The following PRKX variants were observed in gnomAD, a reference collection of about 807,000 sequenced individuals.
PRKX encodes protein kinase cAMP-dependent X-linked catalytic subunit, also known as cAMP-dependent protein kinase catalytic subunit PRKX.
In PRKX, 12 loss-of-function variants were observed where a neutral mutation model predicts 22.0. That is an observed-to-expected ratio of 0.54 (90% CI 0.35 to 0.88). PRKX has a LOEUF of 0.88. PRKX is among the 40% of genes least tolerant of loss of function. The pLI, the probability that PRKX is intolerant of heterozygous loss-of-function variation, is 0.01. For synonymous variants in PRKX, 134 were observed against 137.7 expected, an observed-to-expected ratio of 0.97 and a Z score of 0.19; for missense variants, 217 against 308.0, an observed-to-expected ratio of 0.70 and a Z score of 2.21.
chrX:3,698,561 T>C (rs953269487), intron 1 of PRKX, among the ~76,000 whole-genome samples: 1 of 110,708 alleles, frequency 9.0e-6, no homozygotes, highest in African/African-American at 3.3e-5. Context: ...TCTACATGTG[T>C]TTTGTTTTTT....
chrX:3,712,472 G>A (rs1332588722), intron 1 of PRKX, among the ~76,000 whole-genome samples: 1 of 111,747 alleles, frequency 8.9e-6, no homozygotes, highest in Non-Finnish European at 1.9e-5. Flanking sequence ...TAAAGCGTCC[G>A]ATACAAGAAT....
At chrX:3,682,743 C>T (rs1464589305) in intron 1 of PRKX, among the ~76,000 whole-genome samples, 1 of 108,134 alleles carries the variant, frequency 9.2e-6, no homozygotes, top group Non-Finnish European at 1.9e-5. Context: ...TCCCCTGGAG[C>T]CTCCAGAAAC....
intron 1 of PRKX, among the ~76,000 whole-genome samples, chrX:3,681,993 A>C (rs1356091549): frequency 1.8e-5 from 2 of 111,624 alleles, no homozygotes; most frequent in African/African-American, 6.5e-5. Flanking sequence ...ATTTTGCTAG[A>C]ACTCAAAACA....
intron 1 of PRKX, among the ~76,000 whole-genome samples, chrX:3,685,872 CCT>C (rs1928168714): frequency 9.0e-6 from 1 of 111,708 alleles, no homozygotes; most frequent in Non-Finnish European, 1.9e-5. Context: ...ATGGTGAAAC[CCT>C]GTCTCTACAA....
Position 3,621,127 on chromosome X carries a change from A to C in PRKX, c.873+132T>G. 6.1e-6 allele frequency: 3 copies of C among 492,792 alleles called. No individual in the cohort carries two copies. In the South Asian group the frequency reaches 1.2e-4, roughly 20 times the overall value. 40.6% of individuals were successfully genotyped at this position (492,792 alleles called of 1,213,427 possible). ...AATTTAAAAAAATAAATAAAACACC[A>C]GATTTGAAATTTGGGCAGTGATTAA... On this transcript the variant is annotated intron_variant, in intron 6 of 8. Transcript: ENST00000262848.
intron 2 of PRKX, chrX:3,667,430 G>A (rs1927758700): frequency 9.3e-6 from 1 of 108,074 alleles, no homozygotes; most frequent in African/African-American, 3.4e-5. Context: ...GCCATGTGAG[G>A]CTCCAGAACG....
Position 3,653,717 on chromosome X carries a change from A to T in PRKX, c.599+1432T>A, listed in dbSNP as rs6641595. Among the ~76,000 whole-genome samples, 258 of 50,997 alleles carry T rather than the reference A, an allele frequency of 5.1e-3. 3 individuals carry two copies. Among genetic ancestry groups the T allele is most frequent in the Middle Eastern group, 0.013 (1 of 80 alleles). 44.3% of individuals were successfully genotyped at this position (50,997 alleles called of 115,157 possible). On this transcript the variant is annotated intron_variant, in intron 3 of 8. Transcript: ENST00000262848. Reference sequence around the variant, plus strand: ...ACTATGTGATATATATAATATATATAATATACTATGTGATATATATAATAT... The same window carrying T: ...ACTATGTGATATATATAATATATATTATATACTATGTGATATATATAATAT...
Position 3,695,452 on chromosome X carries a change from G to A in PRKX, c.166+17636C>T, listed in dbSNP as rs920481277. ...TTTTGAGACAGGATCTTGTTCTGTC[G>A]CCCAGGCTGGAGTGCAGTGGCGCAA... On this transcript the variant is annotated intron_variant, in intron 1 of 8. Transcript: ENST00000262848. 3.6e-5 allele frequency among the ~76,000 whole-genome samples: 4 copies of A among 110,906 alleles called. No individual in the cohort carries two copies. The South Asian group carries it at 1.1e-3, about 31-fold the overall frequency.
intron 4 of PRKX, among the ~76,000 whole-genome samples, chrX:3,636,528 G>A (rs1926889798): frequency 8.8e-6 from 1 of 113,021 alleles, no homozygotes; most frequent in Admixed American, 9.3e-5. Flanking sequence ...GTGGGAGCAG[G>A]TGACAGGTGA....
At chrX:3,697,714 T>G (rs1481505809) in intron 1 of PRKX, among the ~76,000 whole-genome samples, 3 of 104,731 alleles carry the variant, frequency 2.9e-5, no homozygotes, top group Non-Finnish European at 5.9e-5. Flanking sequence ...CCGGCTACAC[T>G]TTTTTGTTTT....
intron 1 of PRKX, among the ~76,000 whole-genome samples, chrX:3,689,834 G>C (rs772937077): frequency 9.0e-6 from 1 of 111,401 alleles, no homozygotes; most frequent in Non-Finnish European, 1.9e-5. Flanking sequence ...AAAATTAGCC[G>C]AGTGTGGTGG....
At chrX:3,671,094 T>C (rs1379649045) in intron 2 of PRKX, among the ~76,000 whole-genome samples, 1 of 111,096 alleles carries the variant, frequency 9.0e-6, no homozygotes, top group Non-Finnish European at 1.9e-5. Flanking sequence ...TGCAGTGCAG[T>C]GGCACGATCT....
At chrX:3,699,343 A>G (rs1239357621) in intron 1 of PRKX, among the ~76,000 whole-genome samples, 1 of 104,239 alleles carries the variant, frequency 9.6e-6, no homozygotes, top group Non-Finnish European at 2.0e-5. Context: ...GGCATTTTTT[A>G]AAGTTTTTCT....
At chrX:3,632,331 G>A (rs1299849408) in intron 4 of PRKX, among the ~76,000 whole-genome samples, 1 of 111,124 alleles carries the variant, frequency 9.0e-6, no homozygotes, top group Non-Finnish European at 1.9e-5. Context: ...ACACTCATGC[G>A]ATCTGCGCCA....
At chrX:3,611,943 C>A (rs1926304182) in intron 8 of PRKX, among the ~76,000 whole-genome samples, 1 of 111,282 alleles carries the variant, frequency 9.0e-6, no homozygotes, top group Admixed American at 9.7e-5. Context: ...GGTTCTGATG[C>A]AGAACATGGA....
intron 2 of PRKX, among the ~76,000 whole-genome samples, chrX:3,665,490 A>G (rs142204250): frequency 1.9e-3 from 208 of 110,274 alleles, no homozygotes; most frequent in African/African-American, 6.3e-3. Flanking sequence ...AAATAATAAT[A>G]ATAAATTAAA....
At chrX:3,684,788 T>C (rs1928143101) in intron 1 of PRKX, among the ~76,000 whole-genome samples, 1 of 111,316 alleles carries the variant, frequency 9.0e-6, no homozygotes, top group African/African-American at 3.3e-5. Flanking sequence ...TGTGCGTCTG[T>C]GTCCTCATCT....
At chrX:3,626,724 G>A (rs1233208523) in intron 4 of PRKX, among the ~76,000 whole-genome samples, 10 of 112,237 alleles carry the variant, frequency 8.9e-5, no homozygotes, top group Non-Finnish European at 1.5e-4. Context: ...GTCCGATGCA[G>A]GGGAAGCTCC....
chrX:3,639,666 C>G (rs1927025797), intron 4 of PRKX, among the ~76,000 whole-genome samples: 1 of 109,428 alleles, frequency 9.1e-6, no homozygotes, highest in African/African-American at 3.3e-5. Context: ...ACATGGATAG[C>G]TAGACAATGA....
Sources: gnomAD v4.1 joint callset for allele counts (sites outside exome capture counted in the v4.1 genomes callset) on GRCh38, gnomAD v4.1.1 for gene constraint, MANE v1.5 for transcripts, NCBI Gene and HGNC (gene_info 2026-07-23, HGNC 2026-07-21) for gene names.